Variants in ARHGAP21 observed in about 807,000 individuals in gnomAD.
ARHGAP21 encodes the protein rho GTPase-activating protein 21.
A neutral mutation model predicts 164.6 loss-of-function variants in ARHGAP21; 38 were observed. The observed-to-expected ratio is 0.23, with a 90% CI of 0.18 to 0.30. The LOEUF (loss-of-function observed/expected upper bound fraction) is 0.30, where lower values mean the gene tolerates loss of function less well. Ranked by LOEUF, ARHGAP21 falls within the 10% of genes least tolerant of loss-of-function variation. The probability of loss-of-function intolerance (pLI) is 1.00; values close to 1 mark genes in which losing one functional copy is unlikely to be tolerated. For missense variants in ARHGAP21, 1,822 were observed against 2,370.7 expected, an observed-to-expected ratio of 0.77 and a Z score of 4.81; for synonymous variants, 766 against 857.9, an observed-to-expected ratio of 0.89 and a Z score of 1.87.
chr10:24,674,648 T>G (rs1841036332), intron 2 of ARHGAP21, among the ~76,000 whole-genome samples: 1 of 152,124 alleles, frequency 6.6e-6, no homozygotes, highest in Non-Finnish European at 1.5e-5. Context: ...ATCACACCAC[T>G]GCACTCCAGC....
chr10:24,668,807 T>C lies in ARHGAP21; in HGVS notation c.243+1411A>G, dbSNP rs1011636775. ...TGTGCTACTAAAATTTCTAGAAATA[T>C]TTTCCAATAATAATAATACATGTTT... On this transcript the variant is annotated intron_variant, in intron 3 of 25. Transcript: ENST00000396432. 3.9e-5 allele frequency among the ~76,000 whole-genome samples: 6 copies of C among 152,122 alleles called. No individual in the cohort carries two copies. The South Asian group carries it at 1.2e-3, about 31-fold the overall frequency.
chr10:24,699,061 G>A (rs968791676), intron 2 of ARHGAP21, among the ~76,000 whole-genome samples: 1 of 152,068 alleles, frequency 6.6e-6, no homozygotes, highest in Non-Finnish European at 1.5e-5. Flanking sequence ...TCTGCCCTTC[G>A]AAAGTGTTTT....
At chr10:24,672,785 C>T (rs1210874345) in intron 2 of ARHGAP21, among the ~76,000 whole-genome samples, 2 of 151,838 alleles carry the variant, frequency 1.3e-5, no homozygotes, top group African/African-American at 2.4e-5. Flanking sequence ...GTAACATTGC[C>T]CAGCCAAACT....
chr10:24,607,521 C>T lies in ARHGAP21; in HGVS notation c.2662G>A (p.Asp888Asn). Residue 888 changes from aspartate (D) to asparagine (N), a missense_variant, in exon 11 of 26, where the codon GAT becomes AAT. By Grantham distance (23) the Asp-to-Asn change is conservative (BLOSUM62 1). Around this residue, in one of 5 missense-constraint regions of ARHGAP21, gnomAD observed 1,090 missense variants for 1,378.9 expected, o/e 0.79. Coordinates refer to ENST00000396432, the MANE Select transcript of ARHGAP21 (RefSeq NM_020824.4). ...RSKSYDEGLD[D>N]YREDAKLSFK... ...TACAATTTTGCATCTTCTCTGTAAT[C>T]ATCCAGACCCTCATCATATGATTTT... 1 of 1,613,448 alleles carries T rather than the reference C, an allele frequency of 6.2e-7. No individual in the cohort carries two copies. Among genetic ancestry groups the T allele is most frequent in the African/African-American group, 1.3e-5 (1 of 74,994 alleles).
chr10:24,595,187 T>G lies in ARHGAP21; in HGVS notation c.3716A>C (p.Lys1239Thr). ...KLPEPLFTND[K>T]YADFIEANRK... ...ATTGGCTTCAATAAAATCAGCATATTTATCTGACGACAAGAACAATAAAAC... is the reference window on the plus strand; with the variant it reads ...ATTGGCTTCAATAAAATCAGCATATGTATCTGACGACAAGAACAATAAAAC... Residue 1239 changes from lysine to threonine, a missense_variant, in exon 20 of 26, where the codon AAA becomes ACA. This residue lies in a region of ARHGAP21 where 117 missense variants were observed against 238.1 expected (regional missense o/e 0.49). Transcript: ENST00000396432. 2 of 1,609,828 alleles carry G rather than the reference T, an allele frequency of 1.2e-6. No homozygotes were observed. The highest frequency in any genetic ancestry group is 1.7e-6 in the Non-Finnish European group (2 of 1,178,386).
intron 7 of ARHGAP21, chr10:24,629,368 T>C (rs1835624216): frequency 6.6e-6 from 1 of 152,192 alleles, no homozygotes; most frequent in Non-Finnish European, 1.5e-5. Context: ...TCTATTCAAT[T>C]TCTTTCTTTA....
intron 13 of ARHGAP21, 115 bp from the exon 14 acceptor site, chr10:24,601,045 T>C: frequency 7.9e-7 from 1 of 1,262,668 alleles, no homozygotes; most frequent in Admixed American, 2.5e-5. Flanking sequence ...GTGTAGCAGG[T>C]GGCAGATTTA....
chr10:24,682,514 T>C (rs1841865563), intron 2 of ARHGAP21, among the ~76,000 whole-genome samples: 3 of 152,322 alleles, frequency 2.0e-5, no homozygotes, highest in Admixed American at 2.0e-4. Flanking sequence ...TAGGATTCTT[T>C]GACAGGGTAT....
At chr10:24,597,321 A>G in intron 16 of ARHGAP21, 126 bp downstream of exon 16, 3 of 1,245,670 alleles carry the variant, frequency 2.4e-6, no homozygotes, top group Non-Finnish European at 3.3e-6. Context: ...GACCAAGCCT[A>G]CTATGAATTT....
At chr10:24,702,589 T>G (rs1228395540) in intron 2 of ARHGAP21, among the ~76,000 whole-genome samples, 1 of 152,014 alleles carries the variant, frequency 6.6e-6, no homozygotes, top group African/African-American at 2.4e-5. Flanking sequence ...TTTGGTTTTT[T>G]GTTTTTTGGT....
At chr10:24,709,582 A>C (rs1413485204) in intron 2 of ARHGAP21, among the ~76,000 whole-genome samples, 2 of 152,030 alleles carry the variant, frequency 1.3e-5, no homozygotes, top group Non-Finnish European at 2.9e-5. Flanking sequence ...TACAAAAAAA[A>C]TTTAAAAATT....
intron 2 of ARHGAP21, among the ~76,000 whole-genome samples, chr10:24,686,318 A>G (rs1842202158): frequency 6.6e-6 from 1 of 152,210 alleles, no homozygotes; most frequent in African/African-American, 2.4e-5. Flanking sequence ...GGTCCAAGCT[A>G]CATGGGAGGC....
intron 9 of ARHGAP21, among the ~76,000 whole-genome samples, chr10:24,614,390 C>T (rs544125807): frequency 2.0e-5 from 3 of 151,974 alleles, no homozygotes; most frequent in Non-Finnish European, 4.4e-5. Flanking sequence ...TTTTATAAAC[C>T]AGGCATTTGT....
intron 11 of ARHGAP21, among the ~76,000 whole-genome samples, chr10:24,606,653 A>G (rs2077038319): frequency 6.6e-6 from 1 of 152,110 alleles, no homozygotes; most frequent in South Asian, 2.1e-4. Flanking sequence ...GGAGTTTGAG[A>G]CCAGCCTGAC....
At chr10:24,608,830 A>C in intron 9 of ARHGAP21, among the ~76,000 whole-genome samples, 1 of 151,974 alleles carries the variant, frequency 6.6e-6, no homozygotes, top group Admixed American at 6.6e-5. Context: ...AAATTTCTCT[A>C]TGCACCACTT....
At chr10:24,708,809 AT>A (rs1384033149) in intron 2 of ARHGAP21, among the ~76,000 whole-genome samples, 1 of 152,196 alleles carries the variant, frequency 6.6e-6, no homozygotes, top group Non-Finnish European at 1.5e-5. Context: ...TCCATTCCAA[AT>A]ATACCACATT....
intron 9 of ARHGAP21, among the ~76,000 whole-genome samples, chr10:24,615,520 T>TA (rs1251440960): frequency 2.0e-5 from 3 of 152,210 alleles, no homozygotes; most frequent in Non-Finnish European, 2.9e-5. Context: ...AGCTAAGATT[T>TA]AAAAAAGTAA....
Position 24,704,362 on chromosome 10 carries a change from C to T in ARHGAP21, c.63+17475G>A, listed in dbSNP as rs1176160640. 2.7e-5 allele frequency among the ~76,000 whole-genome samples: 4 copies of T among 149,916 alleles called. No individual in the cohort carries two copies. The East Asian group carries it at 7.8e-4, about 29-fold the overall frequency. On this transcript the variant is annotated intron_variant, in intron 2 of 25. Transcript: ENST00000396432. The stretch of plus-strand genomic sequence containing the variant: ...CTGCAGTGCAGTGGCCCATTCTCAG[C>T]TCACTGCAACCTCCACATCCCACGC...
chr10:24,590,386 C>T, intron 24 of ARHGAP21: 1 of 1,535,400 alleles, frequency 6.5e-7, no homozygotes, highest in Non-Finnish European at 8.7e-7. Flanking sequence ...GTGTGGACAA[C>T]AGTCCTCCTT....
Sources: gnomAD v4.1 joint callset for allele counts (sites outside exome capture counted in the v4.1 genomes callset) on GRCh38, gnomAD v4.1.1 for gene constraint, gnomAD v4.1.1 regional missense constraint, MANE v1.5 for transcripts, NCBI Gene and HGNC (gene_info 2026-07-23, HGNC 2026-07-21) for gene names.